Variants in KCNQ2 observed in about 807,000 individuals in gnomAD.
KCNQ2 encodes the protein potassium voltage-gated channel subfamily KQT member 2.
KCNQ2 carries 14 observed loss-of-function variants against 84.8 expected under a neutral mutation model. The ratio of observed to expected loss-of-function variants is 0.17; its 90% CI spans 0.11 to 0.26. The LOEUF is 0.26. Ranked by LOEUF, KCNQ2 falls within the 10% of genes least tolerant of loss-of-function variation. KCNQ2 has a pLI of 1.00. For synonymous variants in KCNQ2, 599 were observed against 554.1 expected (o/e 1.08, Z -1.14); for missense variants, 788 against 1,254.0 (o/e 0.63, Z 5.61).
At chr20:63,431,645 G>A (rs576473557) in intron 8 of KCNQ2, among the ~76,000 whole-genome samples, 2 of 152,192 alleles carry the variant, frequency 1.3e-5, no homozygotes, top group South Asian at 2.1e-4. Context: ...CTGAGGGAGG[G>A]GTTGGGGCAG....
At chr20:63,433,416 GTAC>G in intron 8 of KCNQ2, 3 of 417,942 alleles carry the variant, frequency 7.2e-6, no homozygotes, top group Non-Finnish European at 1.3e-5. Context: ...CGGGGTCATG[GTAC>G]TGGTTCCACT....
chr20:63,403,044 A>C lies in KCNQ2; in HGVS notation c.*3600T>G, dbSNP rs2079841232. 6.6e-6 allele frequency: 1 copy of C among 152,262 alleles called. No individual in the cohort carries two copies. The highest frequency in any genetic ancestry group is 1.5e-5 in the Non-Finnish European group (1 of 68,080). 9.4% of individuals were successfully genotyped at this position (152,262 alleles called of 1,614,324 possible). ...TCGAGGCTGAGCCACCCATCCCAGG[A>C]GGGCCCAGCACCTCCAGGGCAGACC... is the stretch of plus-strand genomic sequence containing the variant. On this transcript the variant is annotated 3_prime_UTR_variant, in exon 17 of 17. Coordinates refer to ENST00000359125, the MANE Select transcript of KCNQ2 (RefSeq NM_172107.4).
At chr20:63,469,745 G>T (rs1278538569) in intron 1 of KCNQ2, among the ~76,000 whole-genome samples, 3 of 152,250 alleles carry the variant, frequency 2.0e-5, no homozygotes, top group African/African-American at 7.2e-5. Context: ...CTCCGTCTCC[G>T]TTTAGCTGAT....
At chr20:63,450,423 G>T (rs1032172652) in intron 1 of KCNQ2, among the ~76,000 whole-genome samples, 4 of 145,352 alleles carry the variant, frequency 2.8e-5, no homozygotes, top group African/African-American at 1.0e-4. Context: ...GGGCCCTGGG[G>T]CTGCCCCAGG....
At chr20:63,421,749 G>A (rs915417619) in intron 11 of KCNQ2, among the ~76,000 whole-genome samples, 3 of 152,142 alleles carry the variant, frequency 2.0e-5, no homozygotes, top group Non-Finnish European at 4.4e-5. Flanking sequence ...CCTCCAGCAC[G>A]GGGGCAGGAG....
chr20:63,471,863 A>G, intron 1 of KCNQ2: 1 of 313,908 alleles, frequency 3.2e-6, no homozygotes, highest in Non-Finnish European at 5.8e-6. Context: ...TGTTCGGCGC[A>G]GAGGCCGCGG....
chr20:63,407,337 A>G lies in KCNQ2; in HGVS notation c.1926T>C (p.Asn642=). The G allele has an allele frequency of 6.3e-7, 1 of 1,597,628 alleles. No individual in the cohort carries two copies. The highest frequency in any genetic ancestry group is 8.5e-7 in the Non-Finnish European group (1 of 1,179,298). ...GGATGCCCATCCGCTGCATGTAGAT[A>G]TTCACCAGGAAGTCCAGCTTCTTCT... ...SMEKKLDFLV[N]IYMQRMGIPP... The change falls in exon 17 of 17, where the codon AAT becomes AAC. Residue 642 remains asparagine, a synonymous_variant. Coordinates refer to ENST00000359125, the MANE Select transcript of KCNQ2 (RefSeq NM_172107.4). This position sits in a 1 kb window ranked among gnomAD's most constrained non-coding sequence, Gnocchi z 7.2.
chr20:63,441,044 T>C (rs969163872), intron 5 of KCNQ2, among the ~76,000 whole-genome samples: 2 of 16,100 alleles, frequency 1.2e-4, no homozygotes, highest in Admixed American at 1.2e-3. Context: ...CCCGGCTCAC[T>C]GCAAGCTCCG....
chr20:63,434,084 C>T (rs913287290), intron 7 of KCNQ2, 181 bp from the exon 8 acceptor site: 47 of 584,642 alleles, frequency 8.0e-5, no homozygotes, highest in Non-Finnish European at 1.4e-4. Flanking sequence ...AGTTTACCCT[C>T]TGTAGGACAG....
At chr20:63,412,604 T>C (rs1466989431) in intron 15 of KCNQ2, among the ~76,000 whole-genome samples, 1 of 152,184 alleles carries the variant, frequency 6.6e-6, no homozygotes, top group Admixed American at 6.5e-5. Context: ...GGCTCTCGAC[T>C]TCCTCAGATG....
In KCNQ2 at chr20:63,414,002, C is replaced by A; in HGVS notation, c.1631+86G>T. 2 of 1,016,236 alleles carry A rather than the reference C, an allele frequency of 2.0e-6. No homozygotes were observed. The highest frequency in any genetic ancestry group is 1.7e-5 in the Admixed American group (1 of 57,352). 63.0% of individuals were successfully genotyped at this position (1,016,236 alleles called of 1,614,324 possible). ...TCTGTCTCTGGGCGGCTCTGTCCAG[C>A]ACCATGAGCACCGGCAGCAGGCAGG... is the stretch of plus-strand genomic sequence containing the variant. On this transcript the variant is annotated intron_variant, in intron 14 of 16. Coordinates refer to ENST00000359125, the MANE Select transcript of KCNQ2 (RefSeq NM_172107.4). The surrounding 1 kb of genome is among the most constrained non-coding windows in gnomAD (Gnocchi z 6.6).
Position 63,438,809 on chromosome 20 carries a change from C to G in KCNQ2, c.928-89G>C, listed in dbSNP as rs369714146. On this transcript the variant is annotated intron_variant, in intron 6 of 16. Coordinates refer to ENST00000359125, the MANE Select transcript of KCNQ2 (RefSeq NM_172107.4). This position sits in a 1 kb window ranked among gnomAD's most constrained non-coding sequence, Gnocchi z 5.1. ...GACCATGCTCTGGGGCCCCACACCCCCCCCAATTCATCAGGGTCAGACCAC... is the reference window on the plus strand; with the variant it reads ...GACCATGCTCTGGGGCCCCACACCCGCCCCAATTCATCAGGGTCAGACCAC... 4.1e-6 allele frequency: 4 copies of G among 987,346 alleles called. No individual in the cohort carries two copies. In the South Asian group the frequency reaches 5.2e-5, roughly 13 times the overall value. The allele number at this position is 987,346 out of a possible 1,614,324, so 61.2% of individuals were successfully genotyped here.
intron 12 of KCNQ2, among the ~76,000 whole-genome samples, chr20:63,417,967 C>T (rs1186372245): frequency 6.6e-6 from 1 of 152,142 alleles, no homozygotes; most frequent in Non-Finnish European, 1.5e-5. Flanking sequence ...GGGTCTCGGG[C>T]TCCGCTCCCA....
chr20:63,431,339 C>T lies in KCNQ2; in HGVS notation c.1148+1G>A, dbSNP rs1417105670. On this transcript the variant is annotated splice_donor_variant, in intron 9 of 16. Coordinates refer to ENST00000359125, the MANE Select transcript of KCNQ2 (RefSeq NM_172107.4). LOFTEE classifies it high-confidence loss of function. Reference sequence around the variant, plus strand: ...AGGGCTTCTGTCCATGCATTTCCTACCTGGAGGCCCCGTAGGTTTGAGTTT... The same window carrying T: ...AGGGCTTCTGTCCATGCATTTCCTATCTGGAGGCCCCGTAGGTTTGAGTTT... 6.2e-7 allele frequency: 1 copy of T among 1,613,584 alleles called. No individual in the cohort carries two copies. The highest frequency in any genetic ancestry group is 8.5e-7 in the Non-Finnish European group (1 of 1,179,888).
chr20:63,472,452 C>T lies in KCNQ2; in HGVS notation c.12G>A (p.Lys4=). The part of the protein sequence containing the change: MVQ[K]SRNGGVYPGP... Reference sequence around the variant, plus strand: ...CGGGGTATACGCCGCCGTTGCGCGACTTCTGCACCATGGTGCCTGGCGGGA... The same window carrying T: ...CGGGGTATACGCCGCCGTTGCGCGATTTCTGCACCATGGTGCCTGGCGGGA... The change falls in exon 1 of 17, where the codon AAG becomes AAA. Residue 4 remains lysine, a synonymous_variant. Coordinates refer to ENST00000359125, the MANE Select transcript of KCNQ2 (RefSeq NM_172107.4). 6.6e-7 allele frequency: 1 copy of T among 1,524,166 alleles called. No individual in the cohort carries two copies. The highest frequency in any genetic ancestry group is 8.7e-7 in the Non-Finnish European group (1 of 1,142,982). The allele number at this position is 1,524,166 out of a possible 1,614,324, so 94.4% of individuals were successfully genotyped here. A position where few individuals can be genotyped will look rare whatever the true frequency, so the allele number is the denominator to read the frequency against.
chr20:63,413,271 A>G, intron 15 of KCNQ2, 179 bp downstream of exon 15: 3 of 680,638 alleles, frequency 4.4e-6, no homozygotes, highest in Non-Finnish European at 2.5e-6. Context: ...TGGGAGAGAC[A>G]GCAGAAATAT....
Position 63,402,843 on chromosome 20 carries a change from T to G in KCNQ2, c.*3801A>C, listed in dbSNP as rs2079837479. 2 of 152,256 alleles carry G rather than the reference T, an allele frequency of 1.3e-5. No individual in the cohort carries two copies. Among genetic ancestry groups the G allele is most frequent in the Non-Finnish European group, 2.9e-5 (2 of 68,072 alleles). The allele number at this position is 152,256 out of a possible 1,614,324, so 9.4% of individuals were successfully genotyped here. On this transcript the variant is annotated 3_prime_UTR_variant, in exon 17 of 17. Transcript: ENST00000359125. Reference sequence around the variant, plus strand: ...CCTCCGGTGGGGGGTGTTGGGCACCTGCCCTGCTCAGACGGCTGTGTGCAG... The same window carrying G: ...CCTCCGGTGGGGGGTGTTGGGCACCGGCCCTGCTCAGACGGCTGTGTGCAG...
rs574951979 is a variant in KCNQ2 at position 63,427,873 on chromosome 20, G to A, written c.1217+494C>T. On this transcript the variant is annotated intron_variant, in intron 10 of 16. Coordinates refer to ENST00000359125, the MANE Select transcript of KCNQ2 (RefSeq NM_172107.4). ...TTCAGACATGGAACTGCTTGGGGACGGCTCTGGGCCTGGGCAGGCCTGGCA... is the reference window on the plus strand; with the variant it reads ...TTCAGACATGGAACTGCTTGGGGACAGCTCTGGGCCTGGGCAGGCCTGGCA... 1.4e-3 allele frequency among the ~76,000 whole-genome samples: 209 copies of A among 152,232 alleles called. 1 individual carries two copies. Among genetic ancestry groups the A allele is most frequent in the African/African-American group, 4.9e-3 (203 of 41,574 alleles).
In KCNQ2 at chr20:63,408,658, C is replaced by G; in HGVS notation, c.1764-122G>C. ...GGCTGCAGGCTCAGCCCAGAGCCGA[C>G]CAGGGGGCAGTGGGTGCCAGGACAG... On this transcript the variant is annotated intron_variant, in intron 15 of 16. Coordinates refer to ENST00000359125, the MANE Select transcript of KCNQ2 (RefSeq NM_172107.4). This position sits in a 1 kb window ranked among gnomAD's most constrained non-coding sequence, Gnocchi z 5.0. The G allele has an allele frequency of 6.9e-7, 1 of 1,457,640 alleles. No homozygotes were observed. Among genetic ancestry groups the G allele is most frequent in the East Asian group, 2.4e-5 (1 of 40,880 alleles). 90.3% of individuals were successfully genotyped at this position (1,457,640 alleles called of 1,614,324 possible). A position where few individuals can be genotyped will look rare whatever the true frequency, so the allele number is the denominator to read the frequency against.
Sources: allele counts gnomAD v4.1 joint callset (sites outside exome capture counted in the v4.1 genomes callset), GRCh38; gene constraint gnomAD v4.1.1; non-coding constraint Gnocchi (gnomAD v3.1); transcripts MANE v1.5; gene names NCBI Gene and HGNC (gene_info 2026-07-23, HGNC 2026-07-21).